SEMA4B: variants seen among roughly 807,000 people sequenced by gnomAD.
The protein encoded by SEMA4B is semaphorin-4B.
A neutral mutation model predicts 88.1 loss-of-function variants in SEMA4B; 55 were observed. That is an observed-to-expected ratio of 0.62 (90% confidence interval 0.50 to 0.78). The LOEUF (loss-of-function observed/expected upper bound fraction) is 0.78, where lower values mean the gene tolerates loss of function less well. SEMA4B is among the 30% of genes least tolerant of loss of function. The probability of loss-of-function intolerance (pLI) is 0.00; values close to 1 mark genes in which losing one functional copy is unlikely to be tolerated. For missense variants in SEMA4B, 1,062 were observed against 1,111.9 expected (o/e 0.96, Z 0.64); for synonymous variants, 525 against 473.6 (o/e 1.11, Z -1.41).
chr15:90,218,211 G>A (rs1262534041), intron 3 of SEMA4B, among the ~76,000 whole-genome samples: 1 of 152,158 alleles, frequency 6.6e-6, no homozygotes, highest in African/African-American at 2.4e-5. Context: ...CTCTGCAGAT[G>A]GTTCCTGATG....
chr15:90,196,150 G>A (rs373723602), intron 1 of SEMA4B, among the ~76,000 whole-genome samples: 34 of 142,212 alleles, frequency 2.4e-4, no homozygotes, highest in East Asian at 1.3e-3. Flanking sequence ...GGATGGTCTC[G>A]ATCTCCTGAC....
At chr15:90,199,707 T>A (rs1960633244), upstream of SEMA4B, among the ~76,000 whole-genome samples, 2 of 151,984 alleles carry the variant, frequency 1.3e-5, no homozygotes, top group Non-Finnish European at 2.9e-5. Context: ...AAACCTGTAA[T>A]CTCAGCTACT....
intron 1 of SEMA4B, among the ~76,000 whole-genome samples, chr15:90,209,796 T>C (rs1164826126): frequency 2.0e-5 from 3 of 148,926 alleles, no homozygotes; most frequent in African/African-American, 7.5e-5. Context: ...AAGGAAAGCC[T>C]TCTGGGTGGA....
intron 11 of SEMA4B, 55 bp from the exon 12 acceptor site, chr15:90,225,606 G>A (rs1424553645): frequency 2.6e-6 from 4 of 1,534,828 alleles, no homozygotes; most frequent in Non-Finnish European, 3.5e-6. Context: ...GGTGGCCATG[G>A]GTGATGGCCC....
At position 90,201,577 on chromosome 15, in the gene SEMA4B, G is replaced by C. The variant is rs942763337; in HGVS notation, c.-2G>C. 8 of 1,493,626 alleles carry C rather than the reference G, an allele frequency of 5.4e-6. No homozygotes were observed. The Admixed American group carries it at 1.1e-4, about 20-fold the overall frequency. The allele number at this position is 1,493,626 out of a possible 1,614,324, so 92.5% of individuals were successfully genotyped here. On this transcript the variant is annotated 5_prime_UTR_variant, in exon 1 of 14. Transcript: ENST00000411539. The stretch of plus-strand genomic sequence containing the variant: ...CGGGACACCGTCGCTCCTGCTCTCC[G>C]AATGCTGCGCACCGCGATGGGCCTG...
chr15:90,188,014 A>T (rs1567040433), intron 1 of SEMA4B, among the ~76,000 whole-genome samples: 2 of 151,486 alleles, frequency 1.3e-5, no homozygotes, highest in African/African-American at 4.9e-5. Context: ...CAAAAAAAAA[A>T]AAAAAGAAAG....
chr15:90,215,005 G>A (rs1358925323), intron 1 of SEMA4B: 3 of 1,265,264 alleles, frequency 2.4e-6, no homozygotes, highest in African/African-American at 1.5e-5. Flanking sequence ...GCTTGATTGG[G>A]CGTGTTGCAC....
intron 1 of SEMA4B, among the ~76,000 whole-genome samples, chr15:90,194,164 T>C (rs2151585840): frequency 6.6e-6 from 1 of 152,166 alleles, no homozygotes; most frequent in African/African-American, 2.4e-5. Context: ...ATAATAGTCT[T>C]ATGGATAATA....
chr15:90,196,153 C>T (rs1185343035), intron 1 of SEMA4B, among the ~76,000 whole-genome samples: 4 of 147,986 alleles, frequency 2.7e-5, no homozygotes, highest in East Asian at 4.0e-4. Flanking sequence ...TGGTCTCGAT[C>T]TCCTGACCTC....
chr15:90,224,896 G>A (rs1596158296), intron 9 of SEMA4B, 72 bp from the exon 10 acceptor site: 3 of 1,296,586 alleles, frequency 2.3e-6, no homozygotes, highest in Non-Finnish European at 3.4e-6. Context: ...CTGTCCACTG[G>A]GGAAGCAGGG....
At chr15:90,220,586 G>C (rs890791646) in intron 4 of SEMA4B, among the ~76,000 whole-genome samples, 1 of 151,750 alleles carries the variant, frequency 6.6e-6, no homozygotes, top group Non-Finnish European at 1.5e-5. Flanking sequence ...AGCCAGGATG[G>C]TCTTGATCTC....
intron 1 of SEMA4B, among the ~76,000 whole-genome samples, chr15:90,194,267 C>G (rs1203719242): frequency 1.3e-5 from 2 of 151,452 alleles, no homozygotes; most frequent in Admixed American, 6.6e-5. Flanking sequence ...CGTGGTGGCT[C>G]ACACCTGTAA....
chr15:90,208,023 C>T (rs140649283), intron 1 of SEMA4B, among the ~76,000 whole-genome samples: 3,585 of 152,202 alleles, frequency 0.024, 123 homozygotes, highest in African/African-American at 0.076. Flanking sequence ...GAGGCCGAGG[C>T]GGGTGGACCA....
chr15:90,203,772 T>TCCAACCTAAGAGTCC (rs1960857592), intron 1 of SEMA4B, among the ~76,000 whole-genome samples: 1 of 152,162 alleles, frequency 6.6e-6, no homozygotes, highest in Admixed American at 6.5e-5. Flanking sequence ...CACTCAGCTC[T>TCCAACCTAAGAGTCC]CCAACCTAAG....
At chr15:90,201,265 A>C (rs1372034399), upstream of SEMA4B, 4 of 1,040,316 alleles carry the variant, frequency 3.8e-6, no homozygotes, top group East Asian at 6.5e-5. Flanking sequence ...GGGAAGGAGG[A>C]AGGGGGAAGG....
At chr15:90,227,151 G>A (rs192011413) in intron 12 of SEMA4B, 585 of 181,066 alleles carry the variant, frequency 3.2e-3, no homozygotes, top group Non-Finnish European at 5.7e-3. Context: ...TCAAGCAATC[G>A]ATCCTCCAAC....
chr15:90,207,041 C>A, intron 1 of SEMA4B: 2 of 361,800 alleles, frequency 5.5e-6, no homozygotes, highest in Non-Finnish European at 1.0e-5. Flanking sequence ...TATTAGCTCA[C>A]CATCGACCCT....
rs1961326487 is a variant in SEMA4B at position 90,212,637 on chromosome 15, A to G, written c.158-4802A>G. Among the ~76,000 whole-genome samples the G allele has an allele frequency of 8.4e-6, 1 of 118,446 alleles. No individual in the cohort carries two copies. Among genetic ancestry groups the G allele is most frequent in the South Asian group, 3.1e-4 (1 of 3,230 alleles). The allele number at this position is 118,446 out of a possible 152,430, so 77.7% of individuals were successfully genotyped here. A position where few individuals can be genotyped will look rare whatever the true frequency, so the allele number is the denominator to read the frequency against. On this transcript the variant is annotated intron_variant, in intron 1 of 13. Coordinates refer to ENST00000411539, the MANE Select transcript of SEMA4B (RefSeq NM_198925.4). This position sits in a 1 kb window ranked among gnomAD's most constrained non-coding sequence, Gnocchi z 4.0. ...CGCAAGCGTGGACAAGCCCTGCGGT[A>G]CCGTGTACACACACACACACACACA...
At chr15:90,227,435 C>T (rs1962225953) in intron 12 of SEMA4B, 122 bp from the exon 13 acceptor site, 2 of 719,218 alleles carry the variant, frequency 2.8e-6, no homozygotes, top group Non-Finnish European at 4.7e-6. Context: ...GATGCTGACT[C>T]CTGTGGGTGG....
Sources: gnomAD v4.1 joint callset for allele counts (sites outside exome capture counted in the v4.1 genomes callset) on GRCh38, gnomAD v4.1.1 for gene constraint, Gnocchi (gnomAD v3.1) non-coding constraint, MANE v1.5 for transcripts, NCBI Gene and HGNC (gene_info 2026-07-23, HGNC 2026-07-21) for gene names.